The following FHIT variants were observed in gnomAD, a reference collection of about 807,000 sequenced individuals.
FHIT encodes fragile histidine triad diadenosine triphosphatase.
FHIT carries 19 observed loss-of-function variants against 17.9 expected under a neutral mutation model. That is an observed-to-expected ratio of 1.06 (90% CI 0.74 to 1.56). The LOEUF is 1.56. Among genes scored for constraint, FHIT ranks in the 40% most tolerant of loss-of-function variants. The pLI is 0.00. For synonymous variants in FHIT, 81 were observed against 69.7 expected, an observed-to-expected ratio of 1.16 and a Z score of -0.81; for missense variants, 248 against 189.2, an observed-to-expected ratio of 1.31 and a Z score of -1.82.
At chr3:61,111,241 T>C (rs367623700) in intron 2 of FHIT, among the ~76,000 whole-genome samples, 2 of 152,200 alleles carry the variant, frequency 1.3e-5, no homozygotes, top group East Asian at 3.9e-4. Context: ...AGGCTCTCTC[T>C]AGCATTTATT....
At chr3:61,108,334 A>G (rs748515534) in intron 2 of FHIT, among the ~76,000 whole-genome samples, 2 of 152,138 alleles carry the variant, frequency 1.3e-5, no homozygotes, top group Non-Finnish European at 2.9e-5. Context: ...GCAACTTACT[A>G]TTATTATTAT....
At chr3:60,733,135 GCAATTAACCTTTGACTT>G (rs1430553742) in intron 4 of FHIT, among the ~76,000 whole-genome samples, 1 of 152,196 alleles carries the variant, frequency 6.6e-6, no homozygotes, top group South Asian at 2.1e-4. Flanking sequence ...ATGCTAGAGA[GCAATTAACCTTTGACTT>G]CAGTGTTGGG....
intron 7 of FHIT, among the ~76,000 whole-genome samples, chr3:59,976,154 T>C (rs1457914193): frequency 1.3e-5 from 2 of 152,056 alleles, no homozygotes; most frequent in African/African-American, 4.8e-5. Context: ...TCCCAACAAG[T>C]ACTGGATGCT....
At chr3:60,720,062 T>C (rs564362541) in intron 4 of FHIT, among the ~76,000 whole-genome samples, 14 of 152,236 alleles carry the variant, frequency 9.2e-5, no homozygotes, top group Non-Finnish European at 4.4e-5. Context: ...AACTACAACC[T>C]CTGTTGAGGG....
At chr3:60,475,393 T>A (rs1460259805) in intron 5 of FHIT, among the ~76,000 whole-genome samples, 1 of 152,160 alleles carries the variant, frequency 6.6e-6, no homozygotes, top group Non-Finnish European at 1.5e-5. Context: ...AACATTAATC[T>A]CAACATAAAC....
rs1323000748 is a variant in FHIT, at chr3:59,751,622, C to CAGTT, written c.*5+595_*5+598dup. ...GAGTCTTAAACCTATGATCTCTCAA[C>CAGTT]AGTTAGTCATCATTAAGACAAAGAT... On this transcript the variant is annotated intron_variant, in intron 9 of 9. Coordinates refer to ENST00000492590, the MANE Select transcript of FHIT (RefSeq NM_002012.4). 8 of 223,850 alleles carry CAGTT rather than the reference C, an allele frequency of 3.6e-5. No homozygotes were observed. In the South Asian group the frequency reaches 5.5e-4, roughly 15 times the overall value. 13.9% of individuals were successfully genotyped at this position (223,850 alleles called of 1,614,324 possible). A position where few individuals can be genotyped will look rare whatever the true frequency, so the allele number is the denominator to read the frequency against.
intron 5 of FHIT, among the ~76,000 whole-genome samples, chr3:60,368,479 T>G (rs1238964476): frequency 6.6e-6 from 1 of 152,040 alleles, no homozygotes; most frequent in Non-Finnish European, 1.5e-5. Context: ...GTTGAAATAT[T>G]TCACCTTTTA....
At chr3:61,088,208 A>AAGAGTTTTGTTTT (rs1345905410) in intron 2 of FHIT, among the ~76,000 whole-genome samples, 14 of 152,232 alleles carry the variant, frequency 9.2e-5, no homozygotes, top group African/African-American at 3.4e-4. Flanking sequence ...CTGCCCAGAA[A>AAGAGTTTTGTTTT]AGAGTTTTGT....
intron 4 of FHIT, among the ~76,000 whole-genome samples, chr3:60,691,625 C>G (rs1289782219): frequency 6.6e-6 from 1 of 152,122 alleles, no homozygotes; most frequent in African/African-American, 2.4e-5. Context: ...CATTGTCTCC[C>G]AAAGTGCTGA....
intron 2 of FHIT, among the ~76,000 whole-genome samples, chr3:61,188,086 C>T (rs947945077): frequency 6.6e-6 from 1 of 152,062 alleles, no homozygotes; most frequent in Non-Finnish European, 1.5e-5. Flanking sequence ...AAGACCAGAG[C>T]AGAACTGAAG....
At chr3:60,029,899 G>GTGTGTGTGTGTGTGTGTGTC (rs1700923150) in intron 5 of FHIT, among the ~76,000 whole-genome samples, 2 of 123,204 alleles carry the variant, frequency 1.6e-5, no homozygotes, top group Non-Finnish European at 3.5e-5. Flanking sequence ...GTGTGTGTCT[G>GTGTGTGTGTGTGTGTGTGTC]TGTGTGTGTG....
chr3:60,890,623 A>G (rs1020163974), intron 3 of FHIT, among the ~76,000 whole-genome samples: 1 of 152,248 alleles, frequency 6.6e-6, no homozygotes, highest in African/African-American at 2.4e-5. Context: ...CTGTGCAAGT[A>G]GTCCCTCTTA....
rs1292373651 is a variant in FHIT at position 60,114,072 on chromosome 3, T to TATATATATAA, written c.104-99921_104-99920insTTATATATAT. ...ATATATATATATATATATATATATATAATGTTATATGTATCTTACCACAAT... is the reference window on the plus strand; with the variant it reads ...ATATATATATATATATATATATATATATATATATAAAATGTTATATGTATCTTACCACAAT... On this transcript the variant is annotated intron_variant, in intron 5 of 9. Transcript: ENST00000492590. Among the ~76,000 whole-genome samples the TATATATATAA allele has an allele frequency of 5.9e-3, 482 of 82,068 alleles. 16 individuals are homozygous for TATATATATAA. The highest frequency in any genetic ancestry group is 8.4e-3 in the Non-Finnish European group (377 of 44,638). 53.8% of individuals were successfully genotyped at this position (82,068 alleles called of 152,430 possible). A position where few individuals can be genotyped will look rare whatever the true frequency, so the allele number is the denominator to read the frequency against.
chr3:61,112,993 T>C (rs950567609), intron 2 of FHIT, among the ~76,000 whole-genome samples: 1 of 151,882 alleles, frequency 6.6e-6, no homozygotes, highest in African/African-American at 2.4e-5. Context: ...TTGAACACTG[T>C]GTGTGTTTAT....
chr3:60,462,505 G>A (rs2032536581), intron 5 of FHIT, among the ~76,000 whole-genome samples: 1 of 152,194 alleles, frequency 6.6e-6, no homozygotes, highest in African/African-American at 2.4e-5. Context: ...TATAATTAGA[G>A]GATCTGACCA....
intron 4 of FHIT, among the ~76,000 whole-genome samples, chr3:60,716,108 G>A (rs182047617): frequency 9.9e-4 from 150 of 152,204 alleles, no homozygotes; most frequent in Admixed American, 2.7e-3. Flanking sequence ...GCCAGGTGTG[G>A]TGGTGCATGC....
chr3:60,532,534 C>T (rs1254656402), intron 5 of FHIT, among the ~76,000 whole-genome samples: 3 of 152,190 alleles, frequency 2.0e-5, no homozygotes, highest in Non-Finnish European at 2.9e-5. Context: ...TGAATGTGTA[C>T]TCTTCAAAAT....
At chr3:61,229,548 T>C (rs1274389160) in intron 1 of FHIT, among the ~76,000 whole-genome samples, 3 of 152,186 alleles carry the variant, frequency 2.0e-5, no homozygotes, top group African/African-American at 7.2e-5. Context: ...TGTAGTACCT[T>C]ACTAGCTGTG....
At chr3:60,684,611 A>C (rs1553697897) in intron 4 of FHIT, among the ~76,000 whole-genome samples, 1 of 152,028 alleles carries the variant, frequency 6.6e-6, no homozygotes, top group Admixed American at 6.6e-5. Flanking sequence ...TCTCCGTGCC[A>C]GGGTCTCTTC....
Sources: allele counts gnomAD v4.1 joint callset (sites outside exome capture counted in the v4.1 genomes callset), GRCh38; gene constraint gnomAD v4.1.1; transcripts MANE v1.5; gene names NCBI Gene and HGNC (gene_info 2026-07-23, HGNC 2026-07-21).